The following MYLK variants were observed in gnomAD, a reference collection of about 807,000 sequenced individuals.
MYLK encodes the protein myosin light chain kinase, also known as myosin light chain kinase, smooth muscle.
A neutral mutation model predicts 203.4 loss-of-function variants in MYLK; 106 were observed. The ratio of observed to expected loss-of-function variants is 0.52; its 90% CI spans 0.45 to 0.61. MYLK has a LOEUF of 0.61. Ranked by LOEUF, MYLK falls within the 20% of genes least tolerant of loss-of-function variation. MYLK has a pLI of 0.00. For synonymous variants in MYLK, 867 were observed against 959.5 expected (o/e 0.90, Z 1.78); for missense variants, 2,072 against 2,442.3 (o/e 0.85, Z 3.20).
chr3:123,688,114 C>T (rs531534339), intron 19 of MYLK, among the ~76,000 whole-genome samples: 32 of 152,112 alleles, frequency 2.1e-4, no homozygotes, highest in African/African-American at 7.2e-4. Context: ...CTGCCTCTCT[C>T]TCTCTCCCTC....
At chr3:123,754,471 A>G (rs375440967) in intron 4 of MYLK, among the ~76,000 whole-genome samples, 10 of 152,366 alleles carry the variant, frequency 6.6e-5, no homozygotes, top group African/African-American at 2.4e-4. Context: ...GAGATTGAGT[A>G]CTTTGGAGGA....
intron 20 of MYLK, among the ~76,000 whole-genome samples, chr3:123,674,925 C>T (rs968418286): frequency 6.6e-6 from 1 of 152,234 alleles, no homozygotes; most frequent in African/African-American, 2.4e-5. Context: ...GGACACACCA[C>T]GGCAAGCTTC....
intron 3 of MYLK, among the ~76,000 whole-genome samples, chr3:123,798,508 ACCCTCTGTGCAAGT>A (rs1283185897): frequency 2.0e-5 from 3 of 151,938 alleles, no homozygotes; most frequent in Non-Finnish European, 2.9e-5. Context: ...GTGGCTCAGG[ACCCTCTGTGCAAGT>A]CCTCTTGATC....
chr3:123,795,258 T>C lies in MYLK; in HGVS notation c.-3-1414A>G, dbSNP rs560842961. Among the ~76,000 whole-genome samples, 10 of 152,322 alleles carry C rather than the reference T, an allele frequency of 6.6e-5. No individual in the cohort carries two copies. In the South Asian group the frequency reaches 1.0e-3, roughly 16 times the overall value. ...AAAAGTTGCTTTTAAGAAATTTGATTTTCAAATATCCATCATATTGATGTA... is the reference window on the plus strand; with the variant it reads ...AAAAGTTGCTTTTAAGAAATTTGATCTTCAAATATCCATCATATTGATGTA... On this transcript the variant is annotated intron_variant, in intron 3 of 33. Coordinates refer to ENST00000360304, the MANE Select transcript of MYLK (RefSeq NM_053025.4).
chr3:123,739,392 G>A (rs1469604349), intron 6 of MYLK, among the ~76,000 whole-genome samples: 3 of 152,178 alleles, frequency 2.0e-5, no homozygotes, highest in Admixed American at 6.5e-5. Flanking sequence ...TTCCAGGGCC[G>A]ACTCATAAGA....
chr3:123,668,447 T>G (rs1007596061), intron 20 of MYLK, among the ~76,000 whole-genome samples: 1 of 151,598 alleles, frequency 6.6e-6, no homozygotes, highest in Non-Finnish European at 1.5e-5. Context: ...TTATACGACA[T>G]TCTAGAAAAG....
chr3:123,757,064 G>A (rs1039422334), intron 4 of MYLK, among the ~76,000 whole-genome samples: 4 of 150,678 alleles, frequency 2.7e-5, no homozygotes, highest in South Asian at 4.1e-4. Context: ...GCAGGCAGTC[G>A]CTTGGCCACT....
At chr3:123,778,455 G>T (rs1360165525) in intron 4 of MYLK, among the ~76,000 whole-genome samples, 2 of 148,990 alleles carry the variant, frequency 1.3e-5, no homozygotes, top group Non-Finnish European at 3.0e-5. Flanking sequence ...GGAGCTTGCA[G>T]TGAGCCAAGA....
chr3:123,648,943 C>T lies in MYLK; in HGVS notation c.4415+28G>A, dbSNP rs777989273. 6.2e-7 allele frequency: 1 copy of T among 1,602,936 alleles called. No homozygotes were observed. The highest frequency in any genetic ancestry group is 1.7e-5 in the Admixed American group (1 of 60,000). On this transcript the variant is annotated intron_variant, in intron 26 of 33. Coordinates refer to ENST00000360304, the MANE Select transcript of MYLK (RefSeq NM_053025.4). The surrounding 1 kb of genome is among the most constrained non-coding windows in gnomAD (Gnocchi z 4.5). Reference sequence around the variant, plus strand: ...ACCCGCACCACCCTCACCCTGGGAGCCCAGAGGCAACTTCCCACTCCACTT... The same window carrying T: ...ACCCGCACCACCCTCACCCTGGGAGTCCAGAGGCAACTTCCCACTCCACTT...
At chr3:123,647,161 A>G in intron 27 of MYLK, 63 bp downstream of exon 27, 1 of 1,474,856 alleles carries the variant, frequency 6.8e-7, no homozygotes, top group Non-Finnish European at 9.4e-7. Flanking sequence ...GGGGTAGGGC[A>G]GTAGGGGAGA....
At chr3:123,751,299 C>T (rs1306955492) in intron 5 of MYLK, among the ~76,000 whole-genome samples, 1 of 152,160 alleles carries the variant, frequency 6.6e-6, no homozygotes, top group Non-Finnish European at 1.5e-5. Flanking sequence ...TTCAGCATGG[C>T]AGAAGGACAC....
chr3:123,710,839 T>G (rs945930271), intron 13 of MYLK, among the ~76,000 whole-genome samples: 1 of 152,104 alleles, frequency 6.6e-6, no homozygotes, highest in Admixed American at 6.5e-5. Flanking sequence ...CATTAACAGG[T>G]GAGTAAAACA....
intron 2 of MYLK, among the ~76,000 whole-genome samples, chr3:123,832,662 G>A (rs1159444312): frequency 2.0e-5 from 3 of 152,286 alleles, no homozygotes; most frequent in Admixed American, 6.5e-5. Flanking sequence ...GGGCTGGAGC[G>A]AACTGGTGAG....
chr3:123,856,968 C>T (rs1160721637), intron 2 of MYLK, among the ~76,000 whole-genome samples: 5 of 151,958 alleles, frequency 3.3e-5, no homozygotes, highest in Non-Finnish European at 7.4e-5. Context: ...CAAACAACCC[C>T]ATCAAAAAGT....
Position 123,700,637 on chromosome 3 carries a change from T to C in MYLK, c.2831A>G (p.Lys944Arg), listed in dbSNP as rs760459912. Residue 944 changes from lysine (K) to arginine (R), a missense_variant, in exon 18 of 34, where the codon AAG becomes AGG. Transcript: ENST00000360304. ...KPKTVSEEER[K>R]VHSPQQVDFR... The stretch of plus-strand genomic sequence containing the variant: ...ATCGACCTGCTGGGGGCTGTGCACC[T>C]TCCTCTCTTCCTCAGACACAGTCTT... 1.2e-6 allele frequency: 2 copies of C among 1,613,946 alleles called. No individual in the cohort carries two copies. Among genetic ancestry groups the C allele is most frequent in the African/African-American group, 2.7e-5 (2 of 74,930 alleles).
chr3:123,614,948 A>C (rs1315110039), intron 33 of MYLK, among the ~76,000 whole-genome samples: 1 of 151,982 alleles, frequency 6.6e-6, no homozygotes, highest in Non-Finnish European at 1.5e-5. Flanking sequence ...CTGGAGCTAT[A>C]GGTACATGCC....
rs748934365 is a variant in MYLK, at chr3:123,614,315, A to G, written c.5535T>C (p.Asp1845=). 26 of 1,614,052 alleles carry G rather than the reference A, an allele frequency of 1.6e-5. No individual in the cohort carries two copies. In the African/African-American group the frequency reaches 1.7e-4, roughly 11 times the overall value. ...GGCGGGACTCCCTGATTGACTGGTC[A>G]TCTTTGAACCAGACAACCTCGGGGT... The part of the protein sequence containing the change: ...YPDPEVVWFK[D]DQSIRESRHF... The change falls in exon 34 of 34, where the codon GAT becomes GAC. Residue 1845 remains aspartate (D), a synonymous_variant. Coordinates refer to ENST00000360304, the MANE Select transcript of MYLK (RefSeq NM_053025.4).
intron 4 of MYLK, among the ~76,000 whole-genome samples, chr3:123,782,689 C>T (rs1197868334): frequency 6.6e-6 from 1 of 152,090 alleles, no homozygotes; most frequent in East Asian, 1.9e-4. Context: ...CATTTTGCCA[C>T]TCAGCTTTGT....
chr3:123,664,761 T>A (rs1044483683), intron 22 of MYLK, among the ~76,000 whole-genome samples: 8 of 152,170 alleles, frequency 5.3e-5, no homozygotes, highest in African/African-American at 1.9e-4. Context: ...ATCCTGACAA[T>A]GGAATATTTA....
Sources: gnomAD v4.1 joint callset for allele counts (sites outside exome capture counted in the v4.1 genomes callset) on GRCh38, gnomAD v4.1.1 for gene constraint, Gnocchi (gnomAD v3.1) non-coding constraint, MANE v1.5 for transcripts, NCBI Gene and HGNC (gene_info 2026-07-23, HGNC 2026-07-21) for gene names.